Variants in PCNX3 observed in about 807,000 individuals in gnomAD.
PCNX3 encodes the protein pecanex 3, also known as pecanex-like protein 3.
A neutral mutation model predicts 207.2 loss-of-function variants in PCNX3; 58 were observed. That is an observed-to-expected ratio of 0.28 (90% CI 0.23 to 0.35). The LOEUF (loss-of-function observed/expected upper bound fraction) is 0.35. Among genes scored for constraint, PCNX3 ranks in the 10% least tolerant of loss-of-function variants. PCNX3 has a pLI of 1.00. For synonymous variants in PCNX3, 1,337 were observed against 1,183.5 expected, an observed-to-expected ratio of 1.13 and a Z score of -2.66; for missense variants, 2,410 against 2,774.4, an observed-to-expected ratio of 0.87 and a Z score of 2.95.
rs1411957300 is a variant in PCNX3 at position 65,627,258 on chromosome 11, A to G, written c.3525-147A>G. 4.4e-6 allele frequency: 5 copies of G among 1,143,140 alleles called. No individual in the cohort carries two copies. In the African/African-American group the frequency reaches 6.3e-5, roughly 14 times the overall value. The allele number at this position is 1,143,140 out of a possible 1,614,324, so 70.8% of individuals were successfully genotyped here. On this transcript the variant is annotated intron_variant, in intron 21 of 34. Transcript: ENST00000355703. ...ACTCCCTTTGGAAGAGCAGAGACTA[A>G]GAGTCACGGGCCCAAAAGAGCAGGG...
Position 65,618,104 on chromosome 11 carries a change from G to C in PCNX3, c.742G>C (p.Glu248Gln). ...SPLLKGSLSQ[E>Q]LSKSFLTLTQ... ...CCTGCTGAAGGGGAGCCTCAGCCAG[G>C]AGCTGAGCAAGAGCTTCCTGACCCT... Residue 248 changes from glutamate to glutamine, a missense_variant, in exon 6 of 35, where the codon GAG becomes CAG. Glu to Gln is a conservative substitution (Grantham distance 29). Coordinates refer to ENST00000355703, the MANE Select transcript of PCNX3 (RefSeq NM_032223.4). The C allele has an allele frequency of 6.2e-7, 1 of 1,610,760 alleles. No individual in the cohort carries two copies. The highest frequency in any genetic ancestry group is 1.1e-5 in the South Asian group (1 of 90,840).
intron 1 of PCNX3, 82 bp from the exon 2 acceptor site, chr11:65,616,742 T>A: frequency 2.7e-6 from 4 of 1,461,952 alleles, no homozygotes; most frequent in Non-Finnish European, 9.3e-7. Flanking sequence ...AGTCTGTGAA[T>A]CCCAGCTATG....
chr11:65,625,792 C>A lies in PCNX3; in HGVS notation c.3228+48C>A. ...CTGCCTCTCGCTGTCTTGGCGGGAG[C>A]CTGCTCAATCTGAGTGCCGTGGGCA... On this transcript the variant is annotated intron_variant, in intron 19 of 34. Coordinates refer to ENST00000355703, the MANE Select transcript of PCNX3 (RefSeq NM_032223.4). The surrounding 1 kb of genome is among the most constrained non-coding windows in gnomAD (Gnocchi z 5.6). 6.3e-7 allele frequency: 1 copy of A among 1,596,710 alleles called. No individual in the cohort carries two copies. Among genetic ancestry groups the A allele is most frequent in the Non-Finnish European group, 8.5e-7 (1 of 1,172,802 alleles).
chr11:65,632,818 C>T (rs1227306507), intron 27 of PCNX3, among the ~76,000 whole-genome samples: 1 of 151,206 alleles, frequency 6.6e-6, no homozygotes, highest in Non-Finnish European at 1.5e-5. Context: ...CATCTGGGTT[C>T]ACTGCAGTGT....
At chr11:65,626,647 G>A (rs1855405698) in intron 20 of PCNX3, 1 of 545,380 alleles carries the variant, frequency 1.8e-6, no homozygotes, top group South Asian at 2.0e-5. Flanking sequence ...AGGTGTTTGC[G>A]ATTTCATCAT....
chr11:65,627,056 C>T lies in PCNX3; in HGVS notation c.3524+8C>T, dbSNP rs2135452937. 1.3e-6 allele frequency: 2 copies of T among 1,486,282 alleles called. No homozygotes were observed. The highest frequency in any genetic ancestry group is 1.8e-4 in the Middle Eastern group (1 of 5,630). The allele number at this position is 1,486,282 out of a possible 1,614,324, so 92.1% of individuals were successfully genotyped here. ...GGACAAGTACTGCTTCTAGTGAGGA[C>T]CACCCCACCCTCAACGATCCCATCA... On this transcript the variant is annotated splice_region_variant and intron_variant, in intron 21 of 34. Transcript: ENST00000355703.
chr11:65,627,791 G>C (rs1295188136), intron 22 of PCNX3, among the ~76,000 whole-genome samples: 1 of 152,168 alleles, frequency 6.6e-6, no homozygotes, highest in Non-Finnish European at 1.5e-5. Flanking sequence ...CTTGCCTCAG[G>C]CTTCCAGAGA....
chr11:65,633,924 G>C (rs1855718930), intron 27 of PCNX3, among the ~76,000 whole-genome samples: 1 of 152,250 alleles, frequency 6.6e-6, no homozygotes, highest in African/African-American at 2.4e-5. Context: ...GTGCTTCCTG[G>C]CGGCTTTGTC....
intron 10 of PCNX3, 27 bp from the exon 11 acceptor site, chr11:65,622,218 G>T: frequency 2.5e-6 from 4 of 1,593,338 alleles, no homozygotes; most frequent in Non-Finnish European, 3.4e-6. Context: ...TGACCTGCTG[G>T]ACCAGGACTC....
chr11:65,626,551 C>G (rs1479162633), intron 20 of PCNX3: 9 of 429,078 alleles, frequency 2.1e-5, no homozygotes, highest in African/African-American at 4.0e-5. Flanking sequence ...TGGCTACAAC[C>G]AGCCTGAACC....
In PCNX3 at chr11:65,630,529, C is replaced by T. The variant is rs754521212; in HGVS notation, c.4395C>T (p.Ser1465=). ...GCAAGTACGTGCTGGAGGGCTATAG[C>T]ATTAGTGACAATAATGCTGCCTCCA... The part of the protein sequence containing the change: ...TASKYVLEGY[S]ISDNNAASML... The change falls in exon 27 of 35, where the codon AGC becomes AGT. Residue 1465 remains serine (S), a synonymous_variant. Coordinates refer to ENST00000355703, the MANE Select transcript of PCNX3 (RefSeq NM_032223.4). 6 of 1,613,504 alleles carry T rather than the reference C, an allele frequency of 3.7e-6. No individual in the cohort carries two copies. The highest frequency in any genetic ancestry group is 5.1e-6 in the Non-Finnish European group (6 of 1,179,888).
Position 65,625,576 on chromosome 11 carries a change from C to T in PCNX3, c.3135+66C>T, listed in dbSNP as rs1303248264. 5.7e-6 allele frequency: 9 copies of T among 1,580,088 alleles called. No individual in the cohort carries two copies. The highest frequency in any genetic ancestry group is 2.3e-5 in the East Asian group (1 of 43,728). ...CAGGTCCTGGGGTTCCTGGGAGGGG[C>T]ATGTCCAGCTTGGGCTGCTGGGCAG... On this transcript the variant is annotated intron_variant, in intron 18 of 34. Coordinates refer to ENST00000355703, the MANE Select transcript of PCNX3 (RefSeq NM_032223.4). This position sits in a 1 kb window ranked among gnomAD's most constrained non-coding sequence, Gnocchi z 5.6.
chr11:65,623,647 C>A lies in PCNX3; in HGVS notation c.2511+3C>A. On this transcript the variant is annotated splice_donor_region_variant and intron_variant, in intron 12 of 34. Transcript: ENST00000355703. Reference sequence around the variant, plus strand: ...CCTGCCAGTACTCCTTGCTGAAGGTCAGGCCGGGCTCTCTGTGTTTCCTTC... The same window carrying A: ...CCTGCCAGTACTCCTTGCTGAAGGTAAGGCCGGGCTCTCTGTGTTTCCTTC... 1.2e-6 allele frequency: 2 copies of A among 1,611,936 alleles called. No homozygotes were observed. The highest frequency in any genetic ancestry group is 1.1e-5 in the South Asian group (1 of 90,802).
At chr11:65,620,800 G>T (rs764457566) in intron 9 of PCNX3, 31 bp from the exon 10 acceptor site, 59 of 1,587,738 alleles carry the variant, frequency 3.7e-5, no homozygotes, top group Admixed American at 1.2e-4. Context: ...GCTCGCCCGT[G>T]GGGGGATCCT....
In PCNX3 at chr11:65,616,941, G is replaced by A. The variant is rs750506857; in HGVS notation, c.271G>A (p.Val91Met). The A allele has an allele frequency of 3.7e-6, 6 of 1,613,412 alleles. No homozygotes were observed. Among genetic ancestry groups the A allele is most frequent in the Non-Finnish European group, 5.1e-6 (6 of 1,179,846 alleles). The part of the protein sequence containing the change: ...LHAMFDQGEI[V>M]EKRSSTMGEL... ...TGCCATGTTTGACCAGGGCGAGATC[G>A]TGGAGAAGCGCAGCTCTACCATGGG... Residue 91 changes from valine to methionine, a missense_variant, in exon 2 of 35, where the codon GTG (valine) becomes ATG (methionine). Physicochemically the swap from Val to Met is conservative, Grantham distance 21. Transcript: ENST00000355703.
At chr11:65,616,630 C>G (rs750705444) in intron 1 of PCNX3, among the ~76,000 whole-genome samples, 166 bp downstream of exon 1, 1 of 152,134 alleles carries the variant, frequency 6.6e-6, no homozygotes, top group Non-Finnish European at 1.5e-5. Context: ...GATCGAGTGA[C>G]CTTGAACCCT....
At chr11:65,623,898 C>A in intron 12 of PCNX3, 31 bp from the exon 13 acceptor site, 1 of 1,612,588 alleles carries the variant, frequency 6.2e-7, no homozygotes, top group Non-Finnish European at 8.5e-7. Context: ...GGCATCGGCT[C>A]TAGTTGCCAA....
rs202128130 is a variant in PCNX3 at position 65,620,797 on chromosome 11, C to T, written c.2100-34C>T. ...ACCCCACCCAGCCCCAGGGCTCGCCCGTGGGGGGATCCTGATGGCTGCTGT... is the reference window on the plus strand; with the variant it reads ...ACCCCACCCAGCCCCAGGGCTCGCCTGTGGGGGGATCCTGATGGCTGCTGT... On this transcript the variant is annotated intron_variant, in intron 9 of 34. Transcript: ENST00000355703. The T allele has an allele frequency of 1.9e-3, 2,986 of 1,586,104 alleles. 13 individuals carry two copies. The highest frequency in any genetic ancestry group is 2.0e-3 in the Non-Finnish European group (2,387 of 1,167,342).
At chr11:65,630,657 C>T in intron 27 of PCNX3, 53 bp downstream of exon 27, 1 of 1,578,006 alleles carries the variant, frequency 6.3e-7, no homozygotes. Flanking sequence ...TGAGCGCTCG[C>T]TGACCAGAGG....
Sources: allele counts gnomAD v4.1 joint callset (sites outside exome capture counted in the v4.1 genomes callset), GRCh38; gene constraint gnomAD v4.1.1; non-coding constraint Gnocchi (gnomAD v3.1); transcripts MANE v1.5; gene names NCBI Gene and HGNC (gene_info 2026-07-23, HGNC 2026-07-21).